GRM7: variants seen among roughly 807,000 people sequenced by gnomAD.
The protein encoded by GRM7 is glutamate metabotropic receptor 7, also known as metabotropic glutamate receptor 7.
GRM7 carries 35 observed loss-of-function variants against 84.5 expected under a neutral mutation model. The ratio of observed to expected loss-of-function variants is 0.41; its 90% CI spans 0.32 to 0.55. GRM7 has a LOEUF of 0.55. Ranked by LOEUF, GRM7 falls within the 20% of genes least tolerant of loss-of-function variation. The pLI, the probability that GRM7 is intolerant of heterozygous loss-of-function variation, is 0.19. For missense variants in GRM7, 1,003 were observed against 1,194.6 expected (o/e 0.84, Z 2.36); for synonymous variants, 487 against 455.1 (o/e 1.07, Z -0.89).
chr3:7,064,503 C>CACACATAT (rs1553612669), intron 1 of GRM7, among the ~76,000 whole-genome samples: 18 of 54,670 alleles, frequency 3.3e-4, no homozygotes, highest in South Asian at 1.1e-3. Context: ...TATATATATA[C>CACACATAT]ACATATATAT....
At chr3:6,923,963 T>C (rs1559331253) in intron 1 of GRM7, among the ~76,000 whole-genome samples, 2 of 152,196 alleles carry the variant, frequency 1.3e-5, no homozygotes, top group Non-Finnish European at 2.9e-5. Flanking sequence ...AGTGGAGAAA[T>C]AAAATGATGA....
rs974524923 is a variant in GRM7, at chr3:7,327,887, C to T, written c.1033+21235C>T. 9.2e-5 allele frequency among the ~76,000 whole-genome samples: 14 copies of T among 152,300 alleles called. 4 individuals carry two copies. The highest frequency in any genetic ancestry group is 1.9e-4 in the East Asian group (1 of 5,186). On this transcript the variant is annotated intron_variant, in intron 4 of 9. Transcript: ENST00000357716. Reference sequence around the variant, plus strand: ...CATCTGCGTTGAGCAGGATGCTATTCTAAATAATGTATCAGAACATTGTAA... The same window carrying T: ...CATCTGCGTTGAGCAGGATGCTATTTTAAATAATGTATCAGAACATTGTAA...
At chr3:7,397,367 A>T (rs555690729) in intron 4 of GRM7, among the ~76,000 whole-genome samples, 17 of 152,306 alleles carry the variant, frequency 1.1e-4, no homozygotes, top group African/African-American at 3.8e-4. Flanking sequence ...CCCTTGACTC[A>T]AAGCCATTAT....
intron 4 of GRM7, among the ~76,000 whole-genome samples, chr3:7,320,022 A>G (rs1700718128): frequency 6.6e-6 from 1 of 152,002 alleles, no homozygotes; most frequent in Admixed American, 6.6e-5. Context: ...TACCATCCTC[A>G]TAGAGGTTAC....
At chr3:7,034,592 T>C (rs567948470) in intron 1 of GRM7, among the ~76,000 whole-genome samples, 34 of 152,314 alleles carry the variant, frequency 2.2e-4, no homozygotes, top group African/African-American at 7.9e-4. Context: ...TTCCAGACTC[T>C]AGTAGTCATG....
chr3:6,878,563 AAAC>A lies in GRM7; in HGVS notation c.519+16664_519+16666del, dbSNP rs367709429. ...ACATAAAATAATAATAATAATACAA[AAAC>A]AACAACACATCCTCTCAGACATGGA... On this transcript the variant is annotated intron_variant, in intron 1 of 9. Coordinates refer to ENST00000357716, the MANE Select transcript of GRM7 (RefSeq NM_000844.4). Among the ~76,000 whole-genome samples, 18 of 152,098 alleles carry A rather than the reference AAAC, an allele frequency of 1.2e-4. No individual in the cohort carries two copies. The East Asian group carries it at 3.3e-3, about 28-fold the overall frequency.
At chr3:6,963,502 G>A (rs777129752) in intron 1 of GRM7, among the ~76,000 whole-genome samples, 1 of 152,184 alleles carries the variant, frequency 6.6e-6, no homozygotes, top group African/African-American at 2.4e-5. Context: ...GGTGCAATCT[G>A]TAGTCCCAGC....
At chr3:7,514,488 T>C (rs990352018) in intron 7 of GRM7, among the ~76,000 whole-genome samples, 1 of 152,192 alleles carries the variant, frequency 6.6e-6, no homozygotes, top group African/African-American at 2.4e-5. Context: ...CATCTCTGGA[T>C]ATATTAACTG....
chr3:6,918,008 A>G (rs1289602844), intron 1 of GRM7, among the ~76,000 whole-genome samples: 4 of 152,184 alleles, frequency 2.6e-5, no homozygotes, highest in African/African-American at 7.2e-5. Context: ...TCTTTTCACC[A>G]TATAAAAGGT....
intron 2 of GRM7, among the ~76,000 whole-genome samples, chr3:7,169,371 A>G (rs1288466414): frequency 6.6e-6 from 1 of 152,180 alleles, no homozygotes; most frequent in African/African-American, 2.4e-5. Context: ...TGCCCAGCTA[A>G]TCCTGTAGTG....
intron 1 of GRM7, among the ~76,000 whole-genome samples, chr3:6,875,241 T>G (rs1695259409): frequency 6.6e-6 from 1 of 152,062 alleles, no homozygotes; most frequent in African/African-American, 2.4e-5. Flanking sequence ...TTTTTTAGAT[T>G]ATTTCATATT....
intron 2 of GRM7, among the ~76,000 whole-genome samples, chr3:7,155,289 T>C (rs1211632655): frequency 6.6e-6 from 1 of 152,140 alleles, no homozygotes; most frequent in Non-Finnish European, 1.5e-5. Flanking sequence ...TTTCCCAATG[T>C]AATTTTAGTG....
chr3:7,294,955 C>G (rs935994000), intron 2 of GRM7, among the ~76,000 whole-genome samples: 1 of 152,168 alleles, frequency 6.6e-6, no homozygotes, highest in Non-Finnish European at 1.5e-5. Context: ...AAGTGTCTGG[C>G]TTGTGCTTTC....
At chr3:6,949,258 CA>C (rs1280424686) in intron 1 of GRM7, among the ~76,000 whole-genome samples, 1 of 152,126 alleles carries the variant, frequency 6.6e-6, no homozygotes, top group Non-Finnish European at 1.5e-5. Flanking sequence ...CTGGTGGTGA[CA>C]AAATCTCTCA....
At chr3:7,264,605 C>A (rs931293724) in intron 2 of GRM7, among the ~76,000 whole-genome samples, 1 of 152,228 alleles carries the variant, frequency 6.6e-6, no homozygotes, top group Non-Finnish European at 1.5e-5. Flanking sequence ...TTCCCTCCAT[C>A]TACTCTCAAT....
intron 7 of GRM7, among the ~76,000 whole-genome samples, chr3:7,498,396 C>T (rs17047465): frequency 0.043 from 6,605 of 152,316 alleles, 212 homozygotes; most frequent in Non-Finnish European, 0.062. Flanking sequence ...GTGGCTGACA[C>T]TCAACTTACA....
intron 8 of GRM7, among the ~76,000 whole-genome samples, chr3:7,671,241 G>A (rs1191951387): frequency 6.6e-6 from 1 of 152,168 alleles, no homozygotes. Flanking sequence ...TTTCCTGGAA[G>A]ACTTGGCCAC....
intron 1 of GRM7, among the ~76,000 whole-genome samples, chr3:7,115,071 C>T (rs907986429): frequency 6.6e-6 from 1 of 152,118 alleles, no homozygotes; most frequent in Non-Finnish European, 1.5e-5. Flanking sequence ...TTCTGTGATT[C>T]AGTCTTTTCA....
chr3:7,135,035 T>G (rs1274468218), intron 1 of GRM7, among the ~76,000 whole-genome samples: 1 of 152,002 alleles, frequency 6.6e-6, no homozygotes, highest in Non-Finnish European at 1.5e-5. Flanking sequence ...AGATGAAAAG[T>G]GAAGGAAAAA....
Sources: allele counts gnomAD v4.1 joint callset (sites outside exome capture counted in the v4.1 genomes callset), GRCh38; gene constraint gnomAD v4.1.1; transcripts MANE v1.5; gene names NCBI Gene and HGNC (gene_info 2026-07-23, HGNC 2026-07-21).